The following MITF variants were observed in gnomAD, a reference collection of about 807,000 sequenced individuals.
MITF encodes the protein melanocyte inducing transcription factor.
Under a neutral mutation model 60.5 loss-of-function variants are expected in MITF, and 17 were observed. The ratio of observed to expected loss-of-function variants is 0.28; its 90% CI spans 0.19 to 0.42. MITF has a LOEUF of 0.42. Ranked by LOEUF, MITF falls within the 10% of genes least tolerant of loss-of-function variation. The pLI, the probability that MITF is intolerant of heterozygous loss-of-function variation, is 1.00. For synonymous variants in MITF, 260 were observed against 248.5 expected (o/e 1.05, Z -0.43); for missense variants, 622 against 683.5 (o/e 0.91, Z 1.00).
chr3:69,928,144 G>A (rs1273458778), intron 2 of MITF, among the ~76,000 whole-genome samples: 2 of 152,184 alleles, frequency 1.3e-5, no homozygotes, highest in Admixed American at 6.5e-5. Flanking sequence ...ACCTACTTCT[G>A]TTAGAGATAA....
chr3:69,795,337 A>G (rs1057263174), intron 1 of MITF, among the ~76,000 whole-genome samples: 7 of 152,362 alleles, frequency 4.6e-5, no homozygotes, highest in Non-Finnish European at 7.3e-5. Context: ...CGACACTTCT[A>G]ATTTTTAAAA....
intron 1 of MITF, among the ~76,000 whole-genome samples, chr3:69,766,434 C>G (rs2062295910): frequency 7.1e-6 from 1 of 140,496 alleles, no homozygotes. Flanking sequence ...ACCATGTTGG[C>G]CAGGCTGGTC....
chr3:69,750,534 A>G (rs1266704148), intron 1 of MITF, among the ~76,000 whole-genome samples: 1 of 151,366 alleles, frequency 6.6e-6, no homozygotes, highest in Non-Finnish European at 1.5e-5. Context: ...CTAAAATAAC[A>G]ATACAAGAGT....
chr3:69,810,134 C>T (rs1179974354), intron 1 of MITF, among the ~76,000 whole-genome samples: 2 of 152,114 alleles, frequency 1.3e-5, no homozygotes, highest in East Asian at 3.8e-4. Context: ...CTGTCCTGAG[C>T]CTCATACTGA....
intron 1 of MITF, among the ~76,000 whole-genome samples, chr3:69,746,161 G>T (rs1703720140): frequency 6.6e-6 from 1 of 152,150 alleles, no homozygotes; most frequent in Non-Finnish European, 1.5e-5. Flanking sequence ...TGTTATTGGA[G>T]ATTTCCTTTT....
intron 1 of MITF, among the ~76,000 whole-genome samples, chr3:69,815,252 A>G (rs1043433172): frequency 1.3e-5 from 2 of 152,306 alleles, no homozygotes; most frequent in East Asian, 1.9e-4. Flanking sequence ...GCAGAGTTCT[A>G]GCAACCCAGG....
intron 7 of MITF, among the ~76,000 whole-genome samples, chr3:69,952,901 T>G (rs1256741790): frequency 6.6e-6 from 1 of 152,218 alleles, no homozygotes; most frequent in Non-Finnish European, 1.5e-5. Flanking sequence ...TATTTTATAG[T>G]GTGACTGTAT....
chr3:69,761,604 A>G (rs1452954911), intron 1 of MITF, among the ~76,000 whole-genome samples: 1 of 152,208 alleles, frequency 6.6e-6, no homozygotes, highest in African/African-American at 2.4e-5. Flanking sequence ...TAAAGGCAGA[A>G]GACTCAGGGT....
At chr3:69,963,672 A>C (rs984765001) in intron 9 of MITF, among the ~76,000 whole-genome samples, 6 of 152,176 alleles carry the variant, frequency 3.9e-5, no homozygotes, top group African/African-American at 1.2e-4. Context: ...CTTGTTTCCC[A>C]GGCCACAATG....
chr3:69,935,522 A>C (rs2065813641), intron 2 of MITF, among the ~76,000 whole-genome samples: 1 of 144,704 alleles, frequency 6.9e-6, no homozygotes, highest in Non-Finnish European at 1.5e-5. Context: ...GACCCTTTAT[A>C]AAAAAAAAAT....
chr3:69,783,985 T>G (rs536548110), intron 1 of MITF, among the ~76,000 whole-genome samples: 18 of 152,368 alleles, frequency 1.2e-4, no homozygotes, highest in African/African-American at 3.8e-4. Flanking sequence ...TCCTCTTTCC[T>G]GTCTCTCTTT....
At chr3:69,948,971 A>G in intron 5 of MITF, 80 bp from the exon 6 acceptor site, 1 of 1,003,996 alleles carries the variant, frequency 1.0e-6, no homozygotes, top group South Asian at 1.3e-5. Context: ...AATAAATCCT[A>G]GAGTAGGATA....
At chr3:69,951,261 T>C (rs1271093349) in intron 6 of MITF, among the ~76,000 whole-genome samples, 3 of 151,496 alleles carry the variant, frequency 2.0e-5, no homozygotes, top group African/African-American at 7.3e-5. Flanking sequence ...ATGCTGGACT[T>C]ATTTTTTTTT....
chr3:69,834,920 T>C (rs1393147462), intron 1 of MITF, among the ~76,000 whole-genome samples: 1 of 151,182 alleles, frequency 6.6e-6, no homozygotes, highest in Non-Finnish European at 1.5e-5. Flanking sequence ...TGATTTGCAT[T>C]TACCTGATGA....
chr3:69,764,144 A>T (rs1461476389), intron 1 of MITF, among the ~76,000 whole-genome samples: 1 of 152,206 alleles, frequency 6.6e-6, no homozygotes, highest in African/African-American at 2.4e-5. Flanking sequence ...TCATTTGATT[A>T]GGTTTGGAGT....
chr3:69,835,209 G>C (rs1220567283), intron 1 of MITF, among the ~76,000 whole-genome samples: 1 of 151,592 alleles, frequency 6.6e-6, no homozygotes, highest in Non-Finnish European at 1.5e-5. Flanking sequence ...GTAGAGACCG[G>C]GTGTTGCCAC....
intron 1 of MITF, among the ~76,000 whole-genome samples, chr3:69,780,824 C>G (rs781745580): frequency 2.0e-5 from 3 of 152,198 alleles, no homozygotes; most frequent in Non-Finnish European, 4.4e-5. Flanking sequence ...GCACATCACT[C>G]TTGCCACTTT....
intron 1 of MITF, among the ~76,000 whole-genome samples, chr3:69,756,004 G>A (rs974423209): frequency 6.6e-6 from 1 of 152,150 alleles, no homozygotes; most frequent in Non-Finnish European, 1.5e-5. Flanking sequence ...TCTCTGTGCA[G>A]GTGGTATTGA....
chr3:69,830,048 C>T (rs893508886), intron 1 of MITF, among the ~76,000 whole-genome samples: 1 of 151,862 alleles, frequency 6.6e-6, no homozygotes, highest in Non-Finnish European at 1.5e-5. Flanking sequence ...ATCTTCTGGG[C>T]GATGTTTCAG....
Sources: gnomAD v4.1 joint callset for allele counts (sites outside exome capture counted in the v4.1 genomes callset) on GRCh38, gnomAD v4.1.1 for gene constraint, MANE v1.5 for transcripts, NCBI Gene and HGNC (gene_info 2026-07-23, HGNC 2026-07-21) for gene names.